Variants in ATP8A2 observed in about 807,000 individuals in gnomAD.
ATP8A2 encodes the protein ATPase phospholipid transporting 8A2.
ATP8A2 carries 100 observed loss-of-function variants against 165.6 expected under a neutral mutation model. That is an observed-to-expected ratio of 0.60 (90% CI 0.51 to 0.71). The LOEUF is 0.71. ATP8A2 is among the 30% of genes least tolerant of loss of function. The pLI is 0.00. For missense variants in ATP8A2, 1,227 were observed against 1,479.5 expected (o/e 0.83, Z 2.80); for synonymous variants, 543 against 548.8 (o/e 0.99, Z 0.15).
intron 30 of ATP8A2, among the ~76,000 whole-genome samples, chr13:25,845,053 A>G (rs1951827036): frequency 6.6e-6 from 1 of 152,204 alleles, no homozygotes; most frequent in Non-Finnish European, 1.5e-5. Flanking sequence ...GGAGTTTGTG[A>G]TGATTCATTT....
chr13:25,582,489 AAGG>A (rs1359793796), intron 23 of ATP8A2, among the ~76,000 whole-genome samples: 2 of 152,232 alleles, frequency 1.3e-5, no homozygotes, highest in African/African-American at 2.4e-5. Context: ...TAAGTTTGAA[AAGG>A]AGTTGAAGCT....
intron 2 of ATP8A2, among the ~76,000 whole-genome samples, chr13:25,495,374 C>G (rs1168259540): frequency 2.0e-5 from 3 of 152,038 alleles, no homozygotes; most frequent in African/African-American, 7.2e-5. Flanking sequence ...CTTGTGTGGG[C>G]GAGAGCTGGA....
At chr13:25,883,108 G>C (rs1282680453) in intron 33 of ATP8A2, among the ~76,000 whole-genome samples, 1 of 152,188 alleles carries the variant, frequency 6.6e-6, no homozygotes, top group Non-Finnish European at 1.5e-5. Flanking sequence ...ACAGCCAGGA[G>C]TGGGGCTGGG....
At chr13:25,423,428 C>A (rs1464873690) in intron 1 of ATP8A2, among the ~76,000 whole-genome samples, 1 of 152,082 alleles carries the variant, frequency 6.6e-6, no homozygotes, top group African/African-American at 2.4e-5. Context: ...CTGAGTGATC[C>A]TTGGTCATGT....
chr13:25,762,041 C>A (rs2138251087), intron 25 of ATP8A2, among the ~76,000 whole-genome samples: 1 of 151,886 alleles, frequency 6.6e-6, no homozygotes, highest in Non-Finnish European at 1.5e-5. Context: ...GCAGGCAGAT[C>A]ACCTGAGGTC....
In ATP8A2 at chr13:25,875,170, C is replaced by CT. The variant is rs1248072003; in HGVS notation, c.3183+12762_3183+12763insT. Among the ~76,000 whole-genome samples the CT allele has an allele frequency of 3.9e-5, 6 of 151,974 alleles. No homozygotes were observed. The East Asian group carries it at 1.2e-3, about 29-fold the overall frequency. On this transcript the variant is annotated intron_variant, in intron 33 of 36. Coordinates refer to ENST00000381655, the MANE Select transcript of ATP8A2 (RefSeq NM_016529.6). ...GCCACATGAAAACGTTTTAGAGAGCCGTTGCACAACAGTGTGACTTCGGTT... is the reference window on the plus strand; with the variant it reads ...GCCACATGAAAACGTTTTAGAGAGCCTGTTGCACAACAGTGTGACTTCGGTT...
intron 33 of ATP8A2, among the ~76,000 whole-genome samples, chr13:25,946,722 G>A (rs771902833): frequency 2.0e-5 from 3 of 147,758 alleles, no homozygotes; most frequent in African/African-American, 5.0e-5. Context: ...TTATTCAAAT[G>A]TATTGTGAAA....
chr13:25,996,657 C>G (rs1956513221), intron 35 of ATP8A2, among the ~76,000 whole-genome samples: 1 of 152,074 alleles, frequency 6.6e-6, no homozygotes, highest in Non-Finnish European at 1.5e-5. Flanking sequence ...TCCTAAGTAG[C>G]TGGTATTACA....
chr13:25,456,268 A>G (rs954610379), intron 1 of ATP8A2, among the ~76,000 whole-genome samples: 1 of 152,232 alleles, frequency 6.6e-6, no homozygotes, highest in Admixed American at 6.5e-5. Flanking sequence ...GAACATCCAT[A>G]GCTCTCACTG....
intron 25 of ATP8A2, among the ~76,000 whole-genome samples, chr13:25,751,617 G>T (rs1161411583): frequency 2.0e-5 from 3 of 152,048 alleles, no homozygotes; most frequent in Admixed American, 6.5e-5. Flanking sequence ...AAAATTTTCT[G>T]TAGAGACAAG....
chr13:25,715,080 G>T (rs2043228718), intron 25 of ATP8A2, among the ~76,000 whole-genome samples: 1 of 152,184 alleles, frequency 6.6e-6, no homozygotes, highest in Non-Finnish European at 1.5e-5. Flanking sequence ...GGTGAAGTTG[G>T]CTTCATTGAC....
chr13:25,978,933 A>AC (rs1170603982), intron 35 of ATP8A2, among the ~76,000 whole-genome samples: 1 of 151,714 alleles, frequency 6.6e-6, no homozygotes, highest in Non-Finnish European at 1.5e-5. Flanking sequence ...GAGCGAGACT[A>AC]CGGCTCAAAA....
chr13:25,801,641 C>CGTGAAGATA (rs1442424610), intron 27 of ATP8A2, among the ~76,000 whole-genome samples: 3 of 152,114 alleles, frequency 2.0e-5, no homozygotes, highest in Admixed American at 6.6e-5. Flanking sequence ...TACTTTGAAA[C>CGTGAAGATA]GTGAAGATAA....
At position 25,553,933 on chromosome 13, in the gene ATP8A2, G is replaced by T; in HGVS notation, c.1185+13G>T. ...TTTCATAAACTGGGTGAGTATTAAA[G>T]CAGAGTTGAATCACTATTTTCCAAT... On this transcript the variant is annotated intron_variant, in intron 12 of 36. Coordinates refer to ENST00000381655, the MANE Select transcript of ATP8A2 (RefSeq NM_016529.6). 6.2e-7 allele frequency: 1 copy of T among 1,607,434 alleles called. No individual in the cohort carries two copies. Among genetic ancestry groups the T allele is most frequent in the Non-Finnish European group, 8.5e-7 (1 of 1,177,692 alleles).
intron 27 of ATP8A2, among the ~76,000 whole-genome samples, chr13:25,795,031 A>T (rs1488673412): frequency 6.6e-6 from 1 of 152,172 alleles, no homozygotes; most frequent in Non-Finnish European, 1.5e-5. Flanking sequence ...TGATTCAAGA[A>T]ACAGGACTGT....
At chr13:25,786,585 C>G (rs987867444) in intron 27 of ATP8A2, among the ~76,000 whole-genome samples, 13 of 152,092 alleles carry the variant, frequency 8.5e-5, no homozygotes, top group African/African-American at 2.9e-4. Context: ...AGTTGCTTTT[C>G]TTAACATGAA....
chr13:25,921,392 T>C (rs985145528), intron 33 of ATP8A2, among the ~76,000 whole-genome samples: 1 of 149,424 alleles, frequency 6.7e-6, no homozygotes, highest in Non-Finnish European at 1.5e-5. Context: ...CTGAGGCGGG[T>C]GGATCACGAG....
At chr13:25,695,245 A>T (rs780799634) in intron 24 of ATP8A2, among the ~76,000 whole-genome samples, 10 of 152,142 alleles carry the variant, frequency 6.6e-5, no homozygotes, top group Non-Finnish European at 1.3e-4. Context: ...GTGTGCCTTA[A>T]TTTAAAAATA....
chr13:25,711,902 T>C (rs2043166876), intron 25 of ATP8A2, among the ~76,000 whole-genome samples: 1 of 151,772 alleles, frequency 6.6e-6, no homozygotes, highest in Non-Finnish European at 1.5e-5. Context: ...GGAGGAGGAG[T>C]TCATTTCCAG....
Sources: allele counts gnomAD v4.1 joint callset (sites outside exome capture counted in the v4.1 genomes callset), GRCh38; gene constraint gnomAD v4.1.1; transcripts MANE v1.5; gene names NCBI Gene and HGNC (gene_info 2026-07-23, HGNC 2026-07-21).